MICAL3: variants seen among roughly 807,000 people sequenced by gnomAD.
The protein encoded by MICAL3 is [F-actin]-monooxygenase MICAL3.
Under a neutral mutation model 207.4 loss-of-function variants are expected in MICAL3, and 62 were observed. The observed-to-expected ratio is 0.30, with a 90% CI of 0.24 to 0.37. MICAL3 has a LOEUF of 0.37. MICAL3 is among the 10% of genes least tolerant of loss of function. The pLI is 1.00. For synonymous variants in MICAL3, 1,077 were observed against 1,069.3 expected (o/e 1.01, Z -0.14); for missense variants, 2,368 against 2,635.6 (o/e 0.90, Z 2.22).
Position 17,901,124 on chromosome 22 carries a change from G to A in MICAL3, c.692-127C>T. ...GGATGAGAACTGATGGGAAAGTTAG[G>A]GCAGCTCTTCTGCAGATGAAAATAA... On this transcript the variant is annotated intron_variant, in intron 5 of 31. Coordinates refer to ENST00000441493, the MANE Select transcript of MICAL3 (RefSeq NM_015241.3). 10 of 844,160 alleles carry A rather than the reference G, an allele frequency of 1.2e-5. No individual in the cohort carries two copies. In the South Asian group the frequency reaches 1.6e-4, roughly 13 times the overall value. The allele number at this position is 844,160 out of a possible 1,614,324, so 52.3% of individuals were successfully genotyped here.
chr22:17,863,545 G>C (rs1384939356), intron 19 of MICAL3: 10 of 985,342 alleles, frequency 1.0e-5, no homozygotes, highest in Non-Finnish European at 1.1e-5. Flanking sequence ...AGGTTTAAAA[G>C]TCATTAATGG....
At position 17,926,453 on chromosome 22, in the gene MICAL3, G is replaced by C. The variant is rs149148742; in HGVS notation, c.-74-19567C>G. ...ACTTTCTAAGTAAAGAGGATGCTCA[G>C]GGCTCTGTCCTTGGCCCTCTTTCTA... On this transcript the variant is annotated intron_variant, in intron 1 of 31. Transcript: ENST00000441493. Among the ~76,000 whole-genome samples, 13 of 152,324 alleles carry C rather than the reference G, an allele frequency of 8.5e-5. No homozygotes were observed. In the East Asian group the frequency reaches 2.5e-3, roughly 29 times the overall value.
chr22:17,797,243 T>G (rs1238387368), intron 29 of MICAL3, among the ~76,000 whole-genome samples: 1 of 152,102 alleles, frequency 6.6e-6, no homozygotes, highest in Non-Finnish European at 1.5e-5. Flanking sequence ...GGCTCACACC[T>G]GTGATCCCAG....
intron 22 of MICAL3, among the ~76,000 whole-genome samples, chr22:17,827,264 C>T (rs1016286966): frequency 1.7e-4 from 26 of 152,050 alleles, no homozygotes; most frequent in African/African-American, 6.0e-4. Flanking sequence ...CCTCCCGCCC[C>T]CTTCCTGCCA....
At position 17,818,296 on chromosome 22, in the gene MICAL3, G is replaced by C; in HGVS notation, c.4365C>G (p.Pro1455=). The C allele has an allele frequency of 1.3e-6, 2 of 1,521,954 alleles. No individual in the cohort carries two copies. Among genetic ancestry groups the C allele is most frequent in the South Asian group, 2.5e-5 (2 of 80,918 alleles). 94.3% of individuals were successfully genotyped at this position (1,521,954 alleles called of 1,614,324 possible). The change falls in exon 26 of 32, where the codon CCC becomes CCG. Residue 1455 remains proline (P), a synonymous_variant. Transcript: ENST00000441493. ...GTGGCGGTGGGGGCGGGCTGGAGGG[G>C]GGCGTGAGCATGGCGGAGTCCGAGG... ...FNTSDSAMLT[P]PSSPPPPPPP... is the part of the protein sequence containing the mutation.
At chr22:17,923,759 T>C (rs1376439315) in intron 1 of MICAL3, among the ~76,000 whole-genome samples, 1 of 152,244 alleles carries the variant, frequency 6.6e-6, no homozygotes, top group Admixed American at 6.5e-5. Context: ...CCCTAAGGGA[T>C]ATTAGAAAGT....
intron 1 of MICAL3, chr22:17,980,906 C>T (rs1278760596): frequency 7.5e-6 from 4 of 533,478 alleles, no homozygotes; most frequent in East Asian, 5.4e-5. Context: ...CCTGCACTTT[C>T]GCTGGGCCTG....
intron 1 of MICAL3, among the ~76,000 whole-genome samples, chr22:17,925,590 G>A (rs1034589838): frequency 6.6e-6 from 1 of 152,172 alleles, no homozygotes; most frequent in Non-Finnish European, 1.5e-5. Context: ...AAGCTGAGGA[G>A]GTCACAGCTA....
chr22:17,957,019 G>A (rs1934647027), intron 1 of MICAL3, among the ~76,000 whole-genome samples: 2 of 152,168 alleles, frequency 1.3e-5, no homozygotes, highest in South Asian at 2.1e-4. Context: ...CTTTAAAGGA[G>A]TCTCTCACAT....
intron 1 of MICAL3, among the ~76,000 whole-genome samples, chr22:17,958,330 G>A (rs753031571): frequency 1.1e-4 from 17 of 152,116 alleles, no homozygotes; most frequent in Non-Finnish European, 1.9e-4. Flanking sequence ...CCTAAAAACC[G>A]TCAGAGAGAC....
At chr22:18,020,348 T>C (rs1924385098) in intron 1 of MICAL3, 1 of 151,308 alleles carries the variant, frequency 6.6e-6, no homozygotes, top group African/African-American at 2.4e-5. Context: ...CCCTTCAGAT[T>C]ATGTTAAATT....
intron 1 of MICAL3, among the ~76,000 whole-genome samples, chr22:17,979,439 G>C (rs1340636134): frequency 1.3e-5 from 2 of 152,092 alleles, no homozygotes; most frequent in Non-Finnish European, 2.9e-5. Context: ...CAGCTACTCG[G>C]GAGTGTGAGG....
At chr22:17,862,334 A>G in intron 19 of MICAL3, 1 of 787,294 alleles carries the variant, frequency 1.3e-6, no homozygotes, top group South Asian at 5.8e-5. Context: ...GACTTACTGC[A>G]ACCTCTGCCT....
intron 1 of MICAL3, among the ~76,000 whole-genome samples, chr22:17,955,627 T>C (rs1255122269): frequency 2.0e-5 from 3 of 152,210 alleles, no homozygotes; most frequent in African/African-American, 7.2e-5. Context: ...CAACATCCCA[T>C]AATATCCTCA....
At chr22:17,877,132 TTAGG>T (rs1569109858) in intron 16 of MICAL3, among the ~76,000 whole-genome samples, 5 of 141,682 alleles carry the variant, frequency 3.5e-5, no homozygotes, top group African/African-American at 1.1e-4. Flanking sequence ...GTTATGGAGG[TTAGG>T]GAGGTTATGG....
At chr22:17,919,717 C>T (rs574551449) in intron 1 of MICAL3, among the ~76,000 whole-genome samples, 34 of 152,282 alleles carry the variant, frequency 2.2e-4, no homozygotes, top group African/African-American at 8.2e-4. Flanking sequence ...TCCATGACCA[C>T]GACCAGCCCT....
intron 1 of MICAL3, among the ~76,000 whole-genome samples, chr22:17,954,763 T>C (rs1277972362): frequency 2.0e-5 from 3 of 151,932 alleles, no homozygotes; most frequent in African/African-American, 7.3e-5. Flanking sequence ...TTTTTTTTTT[T>C]TGAGACGGAA....
chr22:17,957,674 C>T (rs1934684759), intron 1 of MICAL3, among the ~76,000 whole-genome samples: 1 of 141,780 alleles, frequency 7.1e-6, no homozygotes, highest in Non-Finnish European at 1.5e-5. Context: ...CAAGCCACTG[C>T]ACTCCAACCT....
chr22:17,862,111 G>A (rs890737468), intron 19 of MICAL3: 25 of 985,234 alleles, frequency 2.5e-5, no homozygotes, highest in Non-Finnish European at 3.0e-5. Flanking sequence ...AGGGAGGATG[G>A]CTGAGTTACA....
Sources: gnomAD v4.1 joint callset for allele counts (sites outside exome capture counted in the v4.1 genomes callset) on GRCh38, gnomAD v4.1.1 for gene constraint, MANE v1.5 for transcripts, NCBI Gene and HGNC (gene_info 2026-07-23, HGNC 2026-07-21) for gene names.